RAB37: variants seen among roughly 807,000 people sequenced by gnomAD.
RAB37 encodes ras-related protein Rab-37.
A neutral mutation model predicts 33.1 loss-of-function variants in RAB37; 29 were observed. The ratio of observed to expected loss-of-function variants is 0.88; its 90% CI spans 0.65 to 1.20. The LOEUF is 1.20. RAB37 is among the 50% of genes most tolerant of loss of function. The pLI is 0.00. For synonymous variants in RAB37, 128 were observed against 119.5 expected, an observed-to-expected ratio of 1.07 and a Z score of -0.47; for missense variants, 299 against 301.1, an observed-to-expected ratio of 0.99 and a Z score of 0.05.
intron 1 of RAB37, chr17:74,696,118 C>A: frequency 6.5e-7 from 1 of 1,531,456 alleles, no homozygotes; most frequent in Non-Finnish European, 8.8e-7. Context: ...ATATTTTGGA[C>A]CTTCTGAGAG....
chr17:74,737,030 G>T, upstream of RAB37: 2 of 1,606,718 alleles, frequency 1.2e-6, no homozygotes, highest in Non-Finnish European at 8.5e-7. Context: ...TGTCCGAAGC[G>T]CACGGAGCCG....
In RAB37 at chr17:74,676,145, A is replaced by C. The variant is rs2143459286; in HGVS notation, c.72+4487A>C. Among the ~76,000 whole-genome samples, 1 of 152,170 alleles carries C rather than the reference A, an allele frequency of 6.6e-6. No individual in the cohort carries two copies. The highest frequency in any genetic ancestry group is 2.1e-4 in the South Asian group (1 of 4,820). ...GACCTTGAGCTCCCAGAAAATGAAAAGATTTTCATTTCATTTTCACAGAGA... is the reference window on the plus strand; with the variant it reads ...GACCTTGAGCTCCCAGAAAATGAAACGATTTTCATTTCATTTTCACAGAGA... On this transcript the variant is annotated intron_variant, in intron 1 of 7. Transcript: ENST00000340415. This position sits in a 1 kb window ranked among gnomAD's most constrained non-coding sequence, Gnocchi z 4.1.
rs1457280428 is a variant in RAB37 at position 74,738,207 on chromosome 17, C to T, written c.93+842C>T. 6.6e-6 allele frequency among the ~76,000 whole-genome samples: 1 copy of T among 152,144 alleles called. No homozygotes were observed. The highest frequency in any genetic ancestry group is 6.5e-5 in the Admixed American group (1 of 15,282). ...GGGTTGGGGATGGAGTGAGGGCTGT[C>T]CTGGATTCCGCTGCATGGCCTTGAA... On this transcript the variant is annotated intron_variant, in intron 1 of 8. Transcript: ENST00000392613. This position sits in a 1 kb window ranked among gnomAD's most constrained non-coding sequence, Gnocchi z 5.0.
chr17:74,705,527 C>A, intron 1 of RAB37: 1 of 455,738 alleles, frequency 2.2e-6, no homozygotes, highest in Non-Finnish European at 3.9e-6. Context: ...ATTACTATCA[C>A]CTTGTAGAAA....
At chr17:74,711,579 T>C (rs996999466) in intron 1 of RAB37, among the ~76,000 whole-genome samples, 2 of 152,216 alleles carry the variant, frequency 1.3e-5, no homozygotes, top group Non-Finnish European at 2.9e-5. Flanking sequence ...TTCTGAAGCA[T>C]GAGGCAAAGC....
intron 1 of RAB37, among the ~76,000 whole-genome samples, chr17:74,716,379 A>G (rs1294510797): frequency 6.6e-6 from 1 of 152,170 alleles, no homozygotes. Flanking sequence ...GACTCTGTCT[A>G]GCACCTAAGA....
intron 1 of RAB37, among the ~76,000 whole-genome samples, chr17:74,684,861 A>G (rs1240863797): frequency 7.0e-6 from 1 of 143,024 alleles, no homozygotes; most frequent in African/African-American, 2.5e-5. Flanking sequence ...TGTGAGATAG[A>G]TAGATAGATA....
chr17:74,729,317 G>A lies in RAB37; in HGVS notation c.134G>A (p.Gly45Asp). 4.3e-6 allele frequency: 7 copies of A among 1,614,120 alleles called. No individual in the cohort carries two copies. The highest frequency in any genetic ancestry group is 5.9e-6 in the Non-Finnish European group (7 of 1,180,022). Residue 45 changes from glycine (G) to aspartate (D), a missense_variant, in exon 2 of 8, where the codon GGC becomes GAC. Transcript: ENST00000340415. This position sits in a 1 kb window ranked among gnomAD's most constrained non-coding sequence, Gnocchi z 4.2. ...TCTCTGCTGGTTCAGTTCGATCAGG[G>A]CAAGTTCATCCCCGGCTCCTTCTCG...
chr17:74,698,644 TTACAATGAG>T (rs1426900587), intron 1 of RAB37: 7 of 1,465,308 alleles, frequency 4.8e-6, no homozygotes, highest in Non-Finnish European at 6.3e-6. Flanking sequence ...AAAGATGGGT[TTACAATGAG>T]TACACATAGA....
rs1373729851 is a variant in RAB37, at chr17:74,743,130, T to C, written c.248T>C (p.Ile83Thr). The C allele has an allele frequency of 6.2e-7, 1 of 1,612,836 alleles. No homozygotes were observed. The highest frequency in any genetic ancestry group is 1.7e-5 in the Admixed American group (1 of 59,962). ...TTTCTCCATCCCATCCCTTCCCAGA[T>C]CTGGGACACCGCTGGGCAGGAACGG... is the stretch of plus-strand genomic sequence containing the variant. ...TVDGVRVKLQIWDTAGQERFR... is the reference protein window; with the variant it reads ...TVDGVRVKLQTWDTAGQERFR... The change falls in exon 4 of 9, where the codon ATC (isoleucine) becomes ACC (threonine). Residue 83 changes from isoleucine (I) to threonine (T), a missense_variant and splice_region_variant. Ile to Thr is a moderately conservative substitution (Grantham distance 89). Transcript: ENST00000392613.
intron 1 of RAB37, among the ~76,000 whole-genome samples, chr17:74,687,492 G>A (rs1054587963): frequency 8.5e-5 from 13 of 152,312 alleles, no homozygotes; most frequent in African/African-American, 3.1e-4. Flanking sequence ...CCAAAGTGCT[G>A]GGATTACAGG....
upstream of RAB37, among the ~76,000 whole-genome samples, chr17:74,735,002 A>AAGG (rs2034448320): frequency 1.6e-4 from 14 of 86,688 alleles, no homozygotes; most frequent in Admixed American, 7.7e-4. Flanking sequence ...GAAGAAAGAA[A>AAGG]AAGAAAGGAA....
chr17:74,739,537 T>G (rs2034557364), intron 1 of RAB37, among the ~76,000 whole-genome samples: 2 of 148,660 alleles, frequency 1.3e-5, no homozygotes, highest in African/African-American at 2.5e-5. Context: ...TTTTTTTTTT[T>G]TTTTTTTTTT....
intron 1 of RAB37, chr17:74,695,392 C>A: frequency 3.0e-6 from 3 of 1,006,388 alleles, no homozygotes; most frequent in South Asian, 3.2e-5. Flanking sequence ...TCCCCCTTCA[C>A]TCTGCCAAGC....
intron 1 of RAB37, among the ~76,000 whole-genome samples, chr17:74,708,319 T>C (rs2033679431): frequency 6.6e-6 from 1 of 152,182 alleles, no homozygotes; most frequent in African/African-American, 2.4e-5. Context: ...CCATACAGCT[T>C]CAATGGAAAT....
chr17:74,713,593 G>A (rs1361412547), intron 1 of RAB37, among the ~76,000 whole-genome samples: 1 of 152,012 alleles, frequency 6.6e-6, no homozygotes, highest in African/African-American at 2.4e-5. Flanking sequence ...GGAGAGCCAC[G>A]GCTGATAGAC....
chr17:74,704,298 C>A, intron 1 of RAB37: 1 of 599,048 alleles, frequency 1.7e-6, no homozygotes, highest in East Asian at 2.8e-5. Context: ...GCCCTGGGAG[C>A]CATGGGGGCA....
intron 1 of RAB37, among the ~76,000 whole-genome samples, chr17:74,728,876 GTGTA>G (rs1376804090): frequency 6.6e-6 from 1 of 152,026 alleles, no homozygotes; most frequent in Non-Finnish European, 1.5e-5. Context: ...TGTGTTCTGT[GTGTA>G]TGTGTGTACA....
chr17:74,730,134 A>G lies in RAB37; in HGVS notation c.183+768A>G, dbSNP rs1598312524. On this transcript the variant is annotated intron_variant, in intron 2 of 7. Coordinates refer to the RAB37 transcript ENST00000340415. This position sits in a 1 kb window ranked among gnomAD's most constrained non-coding sequence, Gnocchi z 4.4. ...CTGCAGCTGCCCTTGAATTCCTGGG[A>G]AGACCTTGGGAGAGGGTTCCACTCC... Among the ~76,000 whole-genome samples the G allele has an allele frequency of 6.6e-6, 1 of 152,236 alleles. No individual in the cohort carries two copies. The highest frequency in any genetic ancestry group is 2.4e-5 in the African/African-American group (1 of 41,546).
Sources: gnomAD v4.1 joint callset for allele counts (sites outside exome capture counted in the v4.1 genomes callset) on GRCh38, gnomAD v4.1.1 for gene constraint, Gnocchi (gnomAD v3.1) non-coding constraint, MANE v1.5 for transcripts, NCBI Gene and HGNC (gene_info 2026-07-23, HGNC 2026-07-21) for gene names.